Variants in LRRC37A2 observed in about 807,000 individuals in gnomAD.
LRRC37A2 encodes leucine-rich repeat-containing protein 37A2.
In LRRC37A2, 9 loss-of-function variants were observed where a neutral mutation model predicts 68.8. That is an observed-to-expected ratio of 0.13 (90% CI 0.08 to 0.23). The LOEUF is 0.23. Among genes scored for constraint, LRRC37A2 ranks in the 10% least tolerant of loss-of-function variants. The probability of loss-of-function intolerance (pLI) is 1.00; values close to 1 mark genes in which losing one functional copy is unlikely to be tolerated. For synonymous variants in LRRC37A2, 63 were observed against 367.6 expected (o/e 0.17, Z 9.48); for missense variants, 168 against 950.4 (o/e 0.18, Z 10.82).
chr17:46,786,061 AC>A, the LRRC37A2 span, among the ~76,000 whole-genome samples: 2 of 33,586 alleles, frequency 6.0e-5, no homozygotes, highest in Admixed American at 3.5e-4. Flanking sequence ...TTTCTTACCC[AC>A]CCCCCCACCC....
At chr17:46,847,995 T>TGTGTGTGC in the LRRC37A2 span, among the ~76,000 whole-genome samples, 3 of 149,424 alleles carry the variant, frequency 2.0e-5, no homozygotes, top group Admixed American at 6.7e-5. Flanking sequence ...TGTGTGTGTG[T>TGTGTGTGC]GCACGTGCAT....
At chr17:46,785,891 A>ATGT in the LRRC37A2 span, among the ~76,000 whole-genome samples, 1 of 152,156 alleles carries the variant, frequency 6.6e-6, no homozygotes, top group African/African-American at 2.4e-5. Context: ...CTGGGCTGGA[A>ATGT]TGTTGCAGCT....
chr17:46,838,530 G>A, the LRRC37A2 span, among the ~76,000 whole-genome samples: 1 of 152,048 alleles, frequency 6.6e-6, no homozygotes, highest in Non-Finnish European at 1.5e-5. Context: ...AGGAGGCTAA[G>A]GCAGGAGGAT....
At chr17:46,880,680 C>T in the LRRC37A2 span, among the ~76,000 whole-genome samples, 5 of 152,272 alleles carry the variant, frequency 3.3e-5, no homozygotes, top group South Asian at 1.0e-3. Context: ...GGCAGTGGGG[C>T]CAGGATTGGA....
the LRRC37A2 span, among the ~76,000 whole-genome samples, chr17:46,904,715 G>C: frequency 0.23 from 34,412 of 152,148 alleles, 4,735 homozygotes; most frequent in East Asian, 0.51. Context: ...ATTCAGGTTA[G>C]AGTGGACTGA....
chr17:46,807,327 A>G, the LRRC37A2 span, among the ~76,000 whole-genome samples: 517 of 152,336 alleles, frequency 3.4e-3, 1 homozygote, highest in African/African-American at 0.012. Flanking sequence ...TACTGAAAAT[A>G]CAAAATTAGC....
At chr17:46,768,228 G>A in the LRRC37A2 span, 2 of 1,571,914 alleles carry the variant, frequency 1.3e-6, no homozygotes, top group South Asian at 2.3e-5. The surrounding 1 kb of genome is among the most constrained non-coding windows in gnomAD (Gnocchi z 5.0). Flanking sequence ...AACAGAAGGG[G>A]GTCGTCAAGA....
At chr17:46,732,115 T>C in the LRRC37A2 span, among the ~76,000 whole-genome samples, 1 of 152,198 alleles carries the variant, frequency 6.6e-6, no homozygotes, top group African/African-American at 2.4e-5. Flanking sequence ...AGAAAAATAT[T>C]TATTACTGGT....
chr17:46,671,725 C>T, the LRRC37A2 span, among the ~76,000 whole-genome samples: 1 of 81,500 alleles, frequency 1.2e-5, no homozygotes, highest in Non-Finnish European at 2.7e-5. Flanking sequence ...TTTTAAACTT[C>T]ATGGTAATAA....
chr17:46,610,049 T>C, the LRRC37A2 span, among the ~76,000 whole-genome samples: 114 of 108,998 alleles, frequency 1.0e-3, 3 homozygotes, highest in East Asian at 2.4e-3. Flanking sequence ...CTCTCTTTCT[T>C]TCTTTCTTTC....
chr17:46,823,189 T>A, the LRRC37A2 span, among the ~76,000 whole-genome samples: 4 of 125,798 alleles, frequency 3.2e-5, no homozygotes, highest in Admixed American at 9.1e-5. Flanking sequence ...TATAATATAT[T>A]ATATATATTT....
chr17:46,767,597 A>T, the LRRC37A2 span, among the ~76,000 whole-genome samples: 1 of 152,202 alleles, frequency 6.6e-6, no homozygotes, highest in African/African-American at 2.4e-5. Flanking sequence ...AAAGAACAGG[A>T]AGTTACTGAC....
the LRRC37A2 span, among the ~76,000 whole-genome samples, chr17:46,765,836 A>G: frequency 6.6e-6 from 1 of 152,242 alleles, no homozygotes; most frequent in Non-Finnish European, 1.5e-5. Flanking sequence ...CCTACACAGA[A>G]CACAGTTCTC....
chr17:46,841,898 T>G, the LRRC37A2 span, among the ~76,000 whole-genome samples: 1 of 152,140 alleles, frequency 6.6e-6, no homozygotes, highest in South Asian at 2.1e-4. Flanking sequence ...CTGCGGTGTG[T>G]GGGGGGGTCT....
the LRRC37A2 span, among the ~76,000 whole-genome samples, chr17:46,846,016 C>T: frequency 2.0e-5 from 3 of 152,180 alleles, no homozygotes; most frequent in East Asian, 3.9e-4. Flanking sequence ...GTCTTGAACT[C>T]CTGATCTCAG....
chr17:46,499,343 G>GAC, the LRRC37A2 span, among the ~76,000 whole-genome samples: 6 of 137,686 alleles, frequency 4.4e-5, no homozygotes, highest in African/African-American at 1.1e-4. Context: ...AAAGGTGGGG[G>GAC]GACAATGTTA....
the LRRC37A2 span, among the ~76,000 whole-genome samples, chr17:46,765,504 C>T: frequency 6.6e-6 from 1 of 152,290 alleles, no homozygotes; most frequent in African/African-American, 2.4e-5. Flanking sequence ...GCTCTCTCCT[C>T]ACCGTGTGGA....
At chr17:46,761,505 T>C in the LRRC37A2 span, among the ~76,000 whole-genome samples, 1 of 151,928 alleles carries the variant, frequency 6.6e-6, no homozygotes, top group South Asian at 2.1e-4. Context: ...CTGCTAATTT[T>C]TGTATTTTTA....
the LRRC37A2 span, among the ~76,000 whole-genome samples, chr17:46,720,295 A>G: frequency 6.6e-6 from 1 of 152,158 alleles, no homozygotes; most frequent in African/African-American, 2.4e-5. Flanking sequence ...GTTTTGTTCA[A>G]TACACTGTGT....
Sources: gnomAD v4.1 joint callset for allele counts (sites outside exome capture counted in the v4.1 genomes callset) on GRCh38, gnomAD v4.1.1 for gene constraint, Gnocchi (gnomAD v3.1) non-coding constraint, MANE v1.5 for transcripts, NCBI Gene and HGNC (gene_info 2026-07-23, HGNC 2026-07-21) for gene names.